The following ITGA11 variants were observed in gnomAD, a reference collection of about 807,000 sequenced individuals.
ITGA11 encodes integrin alpha-11.
Under a neutral mutation model 141.9 loss-of-function variants are expected in ITGA11, and 97 were observed. The ratio of observed to expected loss-of-function variants is 0.68; its 90% confidence interval spans 0.58 to 0.81. ITGA11 has a LOEUF of 0.81. Among genes scored for constraint, ITGA11 ranks in the 30% least tolerant of loss-of-function variants. The pLI, the probability that ITGA11 is intolerant of heterozygous loss-of-function variation, is 0.00. For missense variants in ITGA11, 1,387 were observed against 1,559.2 expected (o/e 0.89, Z 1.86); for synonymous variants, 658 against 624.6 (o/e 1.05, Z -0.80).
intron 2 of ITGA11, among the ~76,000 whole-genome samples, chr15:68,372,594 G>A (rs1895624789): frequency 6.6e-6 from 1 of 152,242 alleles, no homozygotes; most frequent in African/African-American, 2.4e-5. Context: ...CCACAGCCCT[G>A]TAGGACCCTT....
chr15:68,431,997 C>T lies in ITGA11; in HGVS notation c.52+18G>A. The T allele has an allele frequency of 7.7e-7, 1 of 1,302,764 alleles. No homozygotes were observed. Among genetic ancestry groups the T allele is most frequent in the Non-Finnish European group, 9.8e-7 (1 of 1,020,744 alleles). The allele number at this position is 1,302,764 out of a possible 1,614,324, so 80.7% of individuals were successfully genotyped here. ...AGGGACTCCGAGAGGCAAGGGGAGGCAGAGGGTGGGCACCTACCTGGCCAC... is the reference window on the plus strand; with the variant it reads ...AGGGACTCCGAGAGGCAAGGGGAGGTAGAGGGTGGGCACCTACCTGGCCAC... On this transcript the variant is annotated intron_variant, in intron 1 of 29. Coordinates refer to ENST00000315757, the MANE Select transcript of ITGA11 (RefSeq NM_001004439.2).
rs1005768053 is a variant in ITGA11, at chr15:68,324,299, C to T, written c.2322+832G>A. Among the ~76,000 whole-genome samples the T allele has an allele frequency of 5.9e-5, 9 of 152,038 alleles. No individual in the cohort carries two copies. The highest frequency in any genetic ancestry group is 2.9e-5 in the Non-Finnish European group (2 of 68,014). ...GTCCTTTCCTGGTGTTGAAGAAATGCAGGTAAGAACTTGAATAATTCTGAA... is the reference window on the plus strand; with the variant it reads ...GTCCTTTCCTGGTGTTGAAGAAATGTAGGTAAGAACTTGAATAATTCTGAA... On this transcript the variant is annotated intron_variant, in intron 18 of 29. Transcript: ENST00000315757. This position sits in a 1 kb window ranked among gnomAD's most constrained non-coding sequence, Gnocchi z 6.3.
intron 10 of ITGA11, among the ~76,000 whole-genome samples, chr15:68,342,549 G>A (rs1894603311): frequency 6.6e-6 from 1 of 152,184 alleles, no homozygotes; most frequent in Non-Finnish European, 1.5e-5. Flanking sequence ...GCTGCCCTCT[G>A]ACCTGGCCTC....
rs190407540 is a variant in ITGA11 at position 68,321,285 on chromosome 15, C to T, written c.2408+133G>A. On this transcript the variant is annotated intron_variant, in intron 19 of 29. Coordinates refer to ENST00000315757, the MANE Select transcript of ITGA11 (RefSeq NM_001004439.2). The surrounding 1 kb of genome is among the most constrained non-coding windows in gnomAD (Gnocchi z 4.9). Reference sequence around the variant, plus strand: ...GGCAGAGCCTGGGCTAGAACGCAGGCTCCAAGTGCAATGTTTGATCCATGC... The same window carrying T: ...GGCAGAGCCTGGGCTAGAACGCAGGTTCCAAGTGCAATGTTTGATCCATGC... The T allele has an allele frequency of 4.2e-5, 21 of 503,682 alleles. No individual in the cohort carries two copies. The East Asian group carries it at 4.9e-4, about 12-fold the overall frequency. The allele number at this position is 503,682 out of a possible 1,614,324, so 31.2% of individuals were successfully genotyped here.
At chr15:68,395,557 C>G (rs1168907539) in intron 2 of ITGA11, among the ~76,000 whole-genome samples, 2 of 148,996 alleles carry the variant, frequency 1.3e-5, no homozygotes, top group African/African-American at 5.0e-5. Context: ...CTGATTCGAT[C>G]AAGTGTATCA....
intron 1 of ITGA11, among the ~76,000 whole-genome samples, chr15:68,414,827 A>T (rs764654598): frequency 6.6e-6 from 1 of 152,098 alleles, no homozygotes; most frequent in African/African-American, 2.4e-5. Flanking sequence ...CCCCCATGAA[A>T]GTGAGCTGTA....
rs1047367676 is a variant in ITGA11, at chr15:68,358,654, A to G, written c.473-69T>C. On this transcript the variant is annotated intron_variant, in intron 5 of 29. Transcript: ENST00000315757. ...CTGCGAGTCTCTGATTCTCTGGACA[A>G]TTGTTCAAAGGACAAATGAATGACT... 5 of 1,508,328 alleles carry G rather than the reference A, an allele frequency of 3.3e-6. No individual in the cohort carries two copies. The Admixed American group carries it at 6.2e-5, about 19-fold the overall frequency. 93.4% of individuals were successfully genotyped at this position (1,508,328 alleles called of 1,614,324 possible). A position where few individuals can be genotyped will look rare whatever the true frequency, so the allele number is the denominator to read the frequency against.
intron 1 of ITGA11, among the ~76,000 whole-genome samples, chr15:68,412,219 G>C (rs16952017): frequency 0.012 from 1,775 of 152,290 alleles, 42 homozygotes; most frequent in African/African-American, 0.04. Context: ...ATTGGACAAA[G>C]ACAAGGAGAA....
Position 68,317,310 on chromosome 15 carries a change from C to T in ITGA11, c.2670G>A (p.Lys890=). 6.2e-7 allele frequency: 1 copy of T among 1,613,914 alleles called. No homozygotes were observed. Among genetic ancestry groups the T allele is most frequent in the Non-Finnish European group, 8.5e-7 (1 of 1,179,844 alleles). ...ECVNEERRLQ[K]QVCNVSYPFF... ...AGGGATAGCTGACGTTGCAGACTTG[C>T]TTCTGGAGCCTCCTCTCCTCGTTCA... Residue 890 remains lysine (K), a synonymous_variant, in exon 21 of 30, where the codon AAG becomes AAA. Coordinates refer to ENST00000315757, the MANE Select transcript of ITGA11 (RefSeq NM_001004439.2).
intron 25 of ITGA11, 32 bp from the exon 26 acceptor site, chr15:68,311,112 A>G: frequency 6.6e-7 from 1 of 1,519,128 alleles, no homozygotes; most frequent in South Asian, 1.2e-5. Flanking sequence ...ACACACACAT[A>G]CACAGCCTCA....
chr15:68,348,026 G>A (rs989037618), intron 10 of ITGA11, among the ~76,000 whole-genome samples: 3 of 152,248 alleles, frequency 2.0e-5, no homozygotes, highest in East Asian at 1.9e-4. Flanking sequence ...AGATGCAGTC[G>A]GTACGTTTTC....
At chr15:68,386,486 T>C (rs572688860) in intron 2 of ITGA11, among the ~76,000 whole-genome samples, 13 of 152,204 alleles carry the variant, frequency 8.5e-5, no homozygotes, top group Admixed American at 7.8e-4. Flanking sequence ...CCAGGACCCT[T>C]TGTGACTCTG....
At position 68,348,284 on chromosome 15, in the gene ITGA11, G is replaced by C. The variant is rs373164639; in HGVS notation, c.1131+546C>G. On this transcript the variant is annotated intron_variant, in intron 10 of 29. Coordinates refer to ENST00000315757, the MANE Select transcript of ITGA11 (RefSeq NM_001004439.2). ...AATCTGATGCAGCACCCACACAGTGGGGGGGGCCTATGAGTCACCTGCCAG... is the reference window on the plus strand; with the variant it reads ...AATCTGATGCAGCACCCACACAGTGCGGGGGGCCTATGAGTCACCTGCCAG... Among the ~76,000 whole-genome samples, 1,013 of 149,952 alleles carry C rather than the reference G, an allele frequency of 6.8e-3. 6 individuals carry two copies. Among genetic ancestry groups the C allele is most frequent in the South Asian group, 0.023 (113 of 4,824 alleles).
At position 68,296,995 on chromosome 15, in the gene ITGA11, A is replaced by C. The variant is rs1892922679; in HGVS notation, c.*6064T>G. On this transcript the variant is annotated 3_prime_UTR_variant, in exon 30 of 30. Coordinates refer to ENST00000315757, the MANE Select transcript of ITGA11 (RefSeq NM_001004439.2). ...CATTCTGTCACCCAGGCTGGAGTGC[A>C]GTGGTGCCATCATGGCTTACTGTCG... is the stretch of plus-strand genomic sequence containing the variant. 1 of 152,128 alleles carries C rather than the reference A, an allele frequency of 6.6e-6. No homozygotes were observed. The highest frequency in any genetic ancestry group is 1.5e-5 in the Non-Finnish European group (1 of 68,040). 9.4% of individuals were successfully genotyped at this position (152,128 alleles called of 1,614,324 possible).
In ITGA11 at chr15:68,320,218, T is replaced by C. The variant is rs2271724; in HGVS notation, c.2583A>G (p.Ser861=). The C allele has an allele frequency of 0.057, 92,674 of 1,613,962 alleles. 10,310 individuals carry two copies. The highest frequency in any genetic ancestry group is 0.56 in the East Asian group (25,112 of 44,864). ...AYSTVLNISQ[S]ANLQFASLIQ... ...TCAAGCTGGCAAACTGCAGGTTTGCTGACTGCGAGATATTTAGGACCGTGC... is the reference window on the plus strand; with the variant it reads ...TCAAGCTGGCAAACTGCAGGTTTGCCGACTGCGAGATATTTAGGACCGTGC... The change falls in exon 20 of 30, where the codon TCA becomes TCG. Residue 861 remains serine, a synonymous_variant. Transcript: ENST00000315757.
chr15:68,431,927 G>T, intron 1 of ITGA11, 88 bp downstream of exon 1: 1 of 942,520 alleles, frequency 1.1e-6, no homozygotes, highest in Non-Finnish European at 1.4e-6. Context: ...GAGGAGGGTC[G>T]CGTCCCGATC....
chr15:68,326,672 C>T lies in ITGA11; in HGVS notation c.2193G>A (p.Arg731=), dbSNP rs1362681653. ...LLSSGQELCE[R]INFHVLDTAD... is the part of the protein sequence containing the mutation. ...AGCTTACCAGGACATGGAAGTTGAT[C>T]CGCTCACAGAGCTCCTGGCCGGAGG... Residue 731 remains arginine, a synonymous_variant, in exon 17 of 30, where the codon CGG becomes CGA. Coordinates refer to ENST00000315757, the MANE Select transcript of ITGA11 (RefSeq NM_001004439.2). The surrounding 1 kb of genome is among the most constrained non-coding windows in gnomAD (Gnocchi z 6.8). 10 of 1,591,220 alleles carry T rather than the reference C, an allele frequency of 6.3e-6. No individual in the cohort carries two copies. The highest frequency in any genetic ancestry group is 1.3e-5 in the African/African-American group (1 of 74,256).
rs1015842056 is a variant in ITGA11 at position 68,300,048 on chromosome 15, G to C, written c.*3011C>G. ...TTGAAGGGCATCTAAAGACAGGCCT[G>C]ACAGTTTAAGAAACTGACATTGAAG... On this transcript the variant is annotated 3_prime_UTR_variant, in exon 30 of 30. Coordinates refer to ENST00000315757, the MANE Select transcript of ITGA11 (RefSeq NM_001004439.2). 4.6e-5 allele frequency: 7 copies of C among 152,226 alleles called. No homozygotes were observed. Among genetic ancestry groups the C allele is most frequent in the African/African-American group, 1.7e-4 (7 of 41,456 alleles). The allele number at this position is 152,226 out of a possible 1,614,324, so 9.4% of individuals were successfully genotyped here. A position where few individuals can be genotyped will look rare whatever the true frequency, so the allele number is the denominator to read the frequency against.
Position 68,400,813 on chromosome 15 carries a change from AATATTATATATTATATAATAAATATT to A in ITGA11, c.164+2079_164+2104del, listed in dbSNP as rs1325364689. Reference sequence around the variant, plus strand: ...TTATATATTATATAATAAATATTATAATATTATATATTATATAATAAATATTATATTATATATTATATAATAAATAT... The same window carrying A: ...TTATATATTATATAATAAATATTATAATATTATATATTATATAATAAATAT... On this transcript the variant is annotated intron_variant, in intron 2 of 29. Transcript: ENST00000315757. Among the ~76,000 whole-genome samples, 28 of 53,942 alleles carry A rather than the reference AATATTATATATTATATAATAAATATT, an allele frequency of 5.2e-4. 3 individuals are homozygous for A. The highest frequency in any genetic ancestry group is 2.2e-3 in the African/African-American group (24 of 11,160). The allele number at this position is 53,942 out of a possible 152,430, so 35.4% of individuals were successfully genotyped here. A position where few individuals can be genotyped will look rare whatever the true frequency, so the allele number is the denominator to read the frequency against.
Sources: gnomAD v4.1 joint callset for allele counts (sites outside exome capture counted in the v4.1 genomes callset) on GRCh38, gnomAD v4.1.1 for gene constraint, Gnocchi (gnomAD v3.1) non-coding constraint, MANE v1.5 for transcripts, NCBI Gene and HGNC (gene_info 2026-07-23, HGNC 2026-07-21) for gene names.